Variants in PIK3IP1 observed in about 807,000 individuals in gnomAD.
PIK3IP1 encodes the protein phosphoinositide-3-kinase interacting protein 1, also known as phosphoinositide-3-kinase-interacting protein 1.
In PIK3IP1, 28 loss-of-function variants were observed where a neutral mutation model predicts 30.7. That is an observed-to-expected ratio of 0.91 (90% confidence interval 0.68 to 1.25). The LOEUF (loss-of-function observed/expected upper bound fraction) is 1.25, where lower values mean the gene tolerates loss of function less well. Ranked by LOEUF, PIK3IP1 falls within the 50% of genes most tolerant of loss-of-function variation. PIK3IP1 has a pLI of 0.00. For synonymous variants in PIK3IP1, 159 were observed against 140.8 expected (o/e 1.13, Z -0.91); for missense variants, 333 against 346.2 (o/e 0.96, Z 0.30).
intron 1 of PIK3IP1, 64 bp downstream of exon 1, chr22:31,292,211 A>G: frequency 6.6e-7 from 1 of 1,524,310 alleles, no homozygotes; most frequent in Non-Finnish European, 9.1e-7. Flanking sequence ...CTGTTTGGGA[A>G]ATAGGGGGCT....
Position 31,289,690 on chromosome 22 carries a change from G to C in PIK3IP1, c.317C>G (p.Ser106Cys), listed in dbSNP as rs1413328130. Residue 106 changes from serine to cysteine, a missense_variant, in exon 4 of 6, where the codon TCC (serine) becomes TGC (cysteine). Physicochemically the swap from Ser to Cys is moderately radical, Grantham distance 112. Coordinates refer to ENST00000215912, the MANE Select transcript of PIK3IP1 (RefSeq NM_052880.5). ...TGTCGTGAAGGCTGGCAGGGCCTGG[G>C]AGGTGGTCTCTGGAGATGAGGTGGG... ...CEDLRCPETTSQALPAFTTEI... is the reference protein window; with the variant it reads ...CEDLRCPETTCQALPAFTTEI... 1 of 1,552,336 alleles carries C rather than the reference G, an allele frequency of 6.4e-7. No individual in the cohort carries two copies. Among genetic ancestry groups the C allele is most frequent in the Admixed American group, 2.0e-5 (1 of 51,024 alleles).
intron 1 of PIK3IP1, 68 bp downstream of exon 1, chr22:31,292,207 G>T: frequency 6.7e-7 from 1 of 1,487,184 alleles, no homozygotes; most frequent in Non-Finnish European, 9.4e-7. Context: ...GGCCCTGTTT[G>T]GGAAATAGGG....
At chr22:31,283,391 G>T in intron 5 of PIK3IP1, 103 bp from the exon 6 acceptor site, 2 of 1,256,658 alleles carry the variant, frequency 1.6e-6, no homozygotes, top group Non-Finnish European at 2.2e-6. Context: ...GCTTGCCATT[G>T]TCACAACAAA....
chr22:31,290,881 G>A, intron 3 of PIK3IP1, 84 bp downstream of exon 3: 2 of 1,443,032 alleles, frequency 1.4e-6, no homozygotes, highest in African/African-American at 1.5e-5. Flanking sequence ...GGCCGGCATC[G>A]CGCGGCCGCA....
Position 31,282,951 on chromosome 22 carries a change from T to TA in PIK3IP1, c.*132dup, listed in dbSNP as rs1162033332. On this transcript the variant is annotated 3_prime_UTR_variant, in exon 6 of 6. Coordinates refer to ENST00000215912, the MANE Select transcript of PIK3IP1 (RefSeq NM_052880.5). ...CAGGGCCACCTGCTTCTGTCACTCTTACTAGGATTCGCCAAAAAAGCGGGG... is the reference window on the plus strand; with the variant it reads ...CAGGGCCACCTGCTTCTGTCACTCTTAACTAGGATTCGCCAAAAAAGCGGGG... The TA allele has an allele frequency of 1.4e-6, 1 of 692,138 alleles. No individual in the cohort carries two copies. The highest frequency in any genetic ancestry group is 1.8e-5 in the African/African-American group (1 of 55,216). The allele number at this position is 692,138 out of a possible 1,614,324, so 42.9% of individuals were successfully genotyped here. A position where few individuals can be genotyped will look rare whatever the true frequency, so the allele number is the denominator to read the frequency against.
intron 5 of PIK3IP1, among the ~76,000 whole-genome samples, chr22:31,287,328 CA>C (rs1425008025): frequency 1.9e-5 from 2 of 103,088 alleles, no homozygotes; most frequent in African/African-American, 9.2e-5. Context: ...CCATTACCTA[CA>C]TTTTTTTTTT....
chr22:31,291,867 G>A (rs1301713384), intron 1 of PIK3IP1, among the ~76,000 whole-genome samples: 2 of 152,204 alleles, frequency 1.3e-5, no homozygotes, highest in Non-Finnish European at 2.9e-5. Context: ...AAAGATTCAA[G>A]ACAGCCTCAA....
At chr22:31,285,161 G>A (rs1282893671) in intron 5 of PIK3IP1, among the ~76,000 whole-genome samples, 4 of 152,070 alleles carry the variant, frequency 2.6e-5, no homozygotes, top group Non-Finnish European at 4.4e-5. Context: ...ACTCTGAGCC[G>A]CTGCTATTTT....
intron 1 of PIK3IP1, among the ~76,000 whole-genome samples, chr22:31,291,713 G>A (rs1158510129): frequency 6.6e-6 from 1 of 152,056 alleles, no homozygotes; most frequent in African/African-American, 2.4e-5. Context: ...GCGCCCAGAC[G>A]TGACATTTGT....
At chr22:31,290,772 A>T (rs938463385) in intron 3 of PIK3IP1, 193 bp downstream of exon 3, 2 of 763,626 alleles carry the variant, frequency 2.6e-6, no homozygotes, top group Non-Finnish European at 3.8e-6. Flanking sequence ...CTCGCGGCGG[A>T]TGAGCTCATA....
chr22:31,286,119 G>T (rs945178042), intron 5 of PIK3IP1, among the ~76,000 whole-genome samples: 1 of 151,506 alleles, frequency 6.6e-6, no homozygotes, highest in Non-Finnish European at 1.5e-5. Context: ...GTTGCAGTGA[G>T]CCGACACAGC....
chr22:31,291,784 C>T (rs1336225231), intron 1 of PIK3IP1, among the ~76,000 whole-genome samples: 1 of 110,524 alleles, frequency 9.0e-6, no homozygotes, highest in Non-Finnish European at 1.8e-5. Context: ...CGGATACGGC[C>T]ACCTTCTGCC....
chr22:31,288,439 G>A (rs1190950922), intron 5 of PIK3IP1, among the ~76,000 whole-genome samples: 1 of 124,728 alleles, frequency 8.0e-6, no homozygotes, highest in South Asian at 2.5e-4. Context: ...AGGGAGGGAG[G>A]AAAGGAAGGA....
Position 31,283,025 on chromosome 22 carries a change from G to A in PIK3IP1, c.*59C>T. 1 of 1,339,882 alleles carries A rather than the reference G, an allele frequency of 7.5e-7. No individual in the cohort carries two copies. Among genetic ancestry groups the A allele is most frequent in the African/African-American group, 1.5e-5 (1 of 68,236 alleles). The allele number at this position is 1,339,882 out of a possible 1,614,324, so 83.0% of individuals were successfully genotyped here. On this transcript the variant is annotated 3_prime_UTR_variant, in exon 6 of 6. Transcript: ENST00000215912. ...CACAAAGTGGTAGTTCCTCCTAGCT[G>A]TAGGAGGGTGGGCTGTCCTGCACCA...
At chr22:31,292,000 C>T (rs941173765) in intron 1 of PIK3IP1, among the ~76,000 whole-genome samples, 1 of 152,202 alleles carries the variant, frequency 6.6e-6, no homozygotes, top group African/African-American at 2.4e-5. Context: ...TTAGAAAGAA[C>T]AGGACTTGGG....
chr22:31,288,907 G>C (rs559853656), intron 5 of PIK3IP1: 1 of 331,182 alleles, frequency 3.0e-6, no homozygotes, highest in South Asian at 1.2e-4. Context: ...GAAAGAATTT[G>C]GTCTTAAGGT....
Position 31,291,038 on chromosome 22 carries a change from G to T in PIK3IP1, c.234C>A (p.Arg78=). The change falls in exon 3 of 6, where the codon CGC becomes CGA. Residue 78 remains arginine (R), a synonymous_variant. Transcript: ENST00000215912. ...SYCRNPDEDP[R]GPWCYVSGEA... is the part of the protein sequence containing the mutation. ...CGCCACTGACGTAGCACCAGGGCCC[G>T]CGCGGGTCCTCGTCCGGGTTTCGGC... 1 of 1,578,058 alleles carries T rather than the reference G, an allele frequency of 6.3e-7. No individual in the cohort carries two copies. The highest frequency in any genetic ancestry group is 8.6e-7 in the Non-Finnish European group (1 of 1,160,890).
At chr22:31,291,737 T>C (rs551286445) in intron 1 of PIK3IP1, among the ~76,000 whole-genome samples, 1 of 152,258 alleles carries the variant, frequency 6.6e-6, no homozygotes, top group African/African-American at 2.4e-5. Context: ...TGTGTTGTAA[T>C]GGCCACGTTA....
At position 31,283,078 on chromosome 22, in the gene PIK3IP1, G is replaced by C; in HGVS notation, c.*6C>G. The C allele has an allele frequency of 1.3e-6, 2 of 1,582,822 alleles. No individual in the cohort carries two copies. The highest frequency in any genetic ancestry group is 1.7e-6 in the Non-Finnish European group (2 of 1,163,624). ...GTCTGCATGGGCTCCTGCCCACTGG[G>C]GGGGCTCAGGCCCCAGGAGTCCCGG... On this transcript the variant is annotated 3_prime_UTR_variant, in exon 6 of 6. Transcript: ENST00000215912.
Sources: allele counts gnomAD v4.1 joint callset (sites outside exome capture counted in the v4.1 genomes callset), GRCh38; gene constraint gnomAD v4.1.1; transcripts MANE v1.5; gene names NCBI Gene and HGNC (gene_info 2026-07-23, HGNC 2026-07-21).